Variants in COL10A1 observed in about 807,000 individuals in gnomAD.
COL10A1 encodes collagen type X alpha 1 chain.
COL10A1 carries 10 observed loss-of-function variants against 18.2 expected under a neutral mutation model. The observed-to-expected ratio is 0.55, with a 90% CI of 0.34 to 0.93. The LOEUF is 0.93. Ranked by LOEUF, COL10A1 falls within the 40% of genes least tolerant of loss-of-function variation. The pLI, the probability that COL10A1 is intolerant of heterozygous loss-of-function variation, is 0.02. For missense variants in COL10A1, 897 were observed against 853.5 expected (o/e 1.05, Z -0.64); for synonymous variants, 330 against 316.6 (o/e 1.04, Z -0.45).
In COL10A1 at chr6:116,120,734, C is replaced by A. The variant is rs780295210; in HGVS notation, c.1382G>T (p.Gly461Val). The change falls in exon 3 of 3, where the codon GGA becomes GTA. Residue 461 changes from glycine (G) to valine (V), a missense_variant. Gly to Val is a moderately radical substitution (Grantham distance 109). Transcript: ENST00000651968. ...RGPIGPPGIP[G>V]FPGSKGDPGS... The stretch of plus-strand genomic sequence containing the variant: ...TGGATCCCCTTTAGACCCAGGGAAT[C>A]CTGGAATGCCTGGTGGCCCAATAGG... 6.3e-7 allele frequency: 1 copy of A among 1,590,184 alleles called. No individual in the cohort carries two copies. Among genetic ancestry groups the A allele is most frequent in the Admixed American group, 1.8e-5 (1 of 55,322 alleles).
chr6:116,136,199 T>A (rs1779596931), intron 1 of COL10A1, among the ~76,000 whole-genome samples: 1 of 152,158 alleles, frequency 6.6e-6, no homozygotes, highest in Non-Finnish European at 1.5e-5. Context: ...TTTGTCCTTC[T>A]GTGTCTGGTG....
chr6:116,198,551 GA>G, the COL10A1 span, among the ~76,000 whole-genome samples: 2 of 151,746 alleles, frequency 1.3e-5, no homozygotes, highest in African/African-American at 4.8e-5. Context: ...ACAGCATAAT[GA>G]GACCTCATCC....
the COL10A1 span, among the ~76,000 whole-genome samples, chr6:116,166,414 C>T: frequency 6.6e-6 from 1 of 152,154 alleles, no homozygotes; most frequent in East Asian, 1.9e-4. Context: ...AGGAATGGAT[C>T]AACCAATCTT....
At chr6:116,212,073 G>A in the COL10A1 span, among the ~76,000 whole-genome samples, 4 of 151,982 alleles carry the variant, frequency 2.6e-5, no homozygotes, top group African/African-American at 9.7e-5. Flanking sequence ...TTATATCAAA[G>A]AAATTATTTC....
At chr6:116,130,825 A>G (rs531862221), upstream of COL10A1, among the ~76,000 whole-genome samples, 87 of 152,216 alleles carry the variant, frequency 5.7e-4, no homozygotes, top group South Asian at 6.2e-4. Context: ...TGTTTATTCC[A>G]TGATACTCAC....
chr6:116,170,057 G>T, the COL10A1 span, among the ~76,000 whole-genome samples: 1 of 152,170 alleles, frequency 6.6e-6, no homozygotes, highest in Non-Finnish European at 1.5e-5. Flanking sequence ...AGCCATAAGC[G>T]ACATTGTCCA....
intron 1 of COL10A1, among the ~76,000 whole-genome samples, chr6:116,132,709 G>A (rs908705398): frequency 2.6e-5 from 4 of 152,046 alleles, no homozygotes; most frequent in Non-Finnish European, 4.4e-5. Context: ...AAACACCAGC[G>A]ACTGGGCTAA....
At chr6:116,195,281 T>A in the COL10A1 span, among the ~76,000 whole-genome samples, 107 of 152,214 alleles carry the variant, frequency 7.0e-4, no homozygotes, top group Non-Finnish European at 1.2e-3. Context: ...ATATTTTATA[T>A]CACAATTTCG....
chr6:116,181,672 C>T, the COL10A1 span, among the ~76,000 whole-genome samples: 2 of 151,754 alleles, frequency 1.3e-5, no homozygotes, highest in Admixed American at 1.3e-4. Context: ...TTACAAAATG[C>T]AAGTACCTAG....
chr6:116,134,415 T>C (rs1779539871), intron 1 of COL10A1, among the ~76,000 whole-genome samples: 1 of 152,214 alleles, frequency 6.6e-6, no homozygotes, highest in Admixed American at 6.6e-5. Flanking sequence ...CTTTATACTC[T>C]TTCCTGAACG....
At chr6:116,147,025 G>A (rs1450456212) in intron 1 of COL10A1, among the ~76,000 whole-genome samples, 1 of 149,586 alleles carries the variant, frequency 6.7e-6, no homozygotes, top group Non-Finnish European at 1.5e-5. Context: ...TTTTAATCAT[G>A]TAGTCAGAAA....
intron 1 of COL10A1, among the ~76,000 whole-genome samples, chr6:116,156,116 A>C (rs1291551201): frequency 6.6e-6 from 1 of 152,144 alleles, no homozygotes; most frequent in Non-Finnish European, 1.5e-5. Flanking sequence ...TCAATAATAC[A>C]TATTTTCTTT....
At chr6:116,155,788 G>A (rs1242712050) in intron 1 of COL10A1, among the ~76,000 whole-genome samples, 1 of 150,244 alleles carries the variant, frequency 6.7e-6, no homozygotes, top group Non-Finnish European at 1.5e-5. Flanking sequence ...AGGAAGTTGT[G>A]TGTGTACTGA....
At chr6:116,196,169 A>T in the COL10A1 span, among the ~76,000 whole-genome samples, 1 of 151,842 alleles carries the variant, frequency 6.6e-6, no homozygotes, top group Non-Finnish European at 1.5e-5. Flanking sequence ...TATTACTCCT[A>T]CTCCATAAGC....
the COL10A1 span, among the ~76,000 whole-genome samples, chr6:116,190,910 G>A: frequency 6.6e-6 from 1 of 151,944 alleles, no homozygotes; most frequent in Non-Finnish European, 1.5e-5. Flanking sequence ...GGTTACCCCT[G>A]TTTATAAGGA....
chr6:116,120,059 AG>A lies in COL10A1; in HGVS notation c.*13del, dbSNP rs201694987. 0.013 allele frequency: 18,814 copies of A among 1,477,454 alleles called. 146 individuals are homozygous for A. Among genetic ancestry groups the A allele is most frequent in the Non-Finnish European group, 0.014 (15,226 of 1,119,988 alleles). The allele number at this position is 1,477,454 out of a possible 1,614,324, so 91.5% of individuals were successfully genotyped here. ...CTTTTTCTAGCACAAGATTTAGATT[AG>A]CTCTGTGTGTACTCACATTGGAGCC... On this transcript the variant is annotated 3_prime_UTR_variant, in exon 3 of 3. Coordinates refer to ENST00000651968, the MANE Select transcript of COL10A1 (RefSeq NM_000493.4).
chr6:116,186,620 A>G, the COL10A1 span, among the ~76,000 whole-genome samples: 1 of 151,964 alleles, frequency 6.6e-6, no homozygotes, highest in Non-Finnish European at 1.5e-5. Context: ...TTAATTTGAA[A>G]GCCTTGTCTT....
intron 1 of COL10A1, among the ~76,000 whole-genome samples, chr6:116,142,192 C>T (rs1324143429): frequency 6.6e-6 from 1 of 151,758 alleles, no homozygotes; most frequent in Non-Finnish European, 1.5e-5. Context: ...ACAGTTGTTC[C>T]ATTTTATTTT....
At position 116,125,350 on chromosome 6, in the gene COL10A1, A is replaced by C; in HGVS notation, c.143T>G (p.Ile48Arg). The C allele has an allele frequency of 6.2e-7, 1 of 1,613,658 alleles. No homozygotes were observed. Reference protein sequence around the residue: ...TKTQFFIPYTIKSKGIAVRGE... With the variant: ...TKTQFFIPYTRKSKGIAVRGE... ...ACAATTCAATTTACCTTTACTCTTTATGGTGTAGGGAATGAAGAACTGTGT... is the reference window on the plus strand; with the variant it reads ...ACAATTCAATTTACCTTTACTCTTTCTGGTGTAGGGAATGAAGAACTGTGT... The change falls in exon 2 of 3, where the codon ATA (isoleucine) becomes AGA (arginine). Residue 48 changes from isoleucine to arginine, a missense_variant. Coordinates refer to ENST00000651968, the MANE Select transcript of COL10A1 (RefSeq NM_000493.4).
Sources: gnomAD v4.1 joint callset for allele counts (sites outside exome capture counted in the v4.1 genomes callset) on GRCh38, gnomAD v4.1.1 for gene constraint, MANE v1.5 for transcripts, NCBI Gene and HGNC (gene_info 2026-07-23, HGNC 2026-07-21) for gene names.